Variants in DYTN observed in about 807,000 individuals in gnomAD.
DYTN encodes the protein dystrotelin.
DYTN carries 75 observed loss-of-function variants against 69.6 expected under a neutral mutation model. That is an observed-to-expected ratio of 1.08 (90% CI 0.89 to 1.31). The LOEUF (loss-of-function observed/expected upper bound fraction) is 1.31, where lower values mean the gene tolerates loss of function less well. Among genes scored for constraint, DYTN ranks in the 50% most tolerant of loss-of-function variants. The pLI is 0.00. For missense variants in DYTN, 726 were observed against 688.4 expected (o/e 1.05, Z -0.61); for synonymous variants, 252 against 249.1 (o/e 1.01, Z -0.11).
chr2:206,703,539 T>G (rs769142737), intron 5 of DYTN, among the ~76,000 whole-genome samples: 3 of 152,208 alleles, frequency 2.0e-5, no homozygotes, highest in African/African-American at 2.4e-5. Context: ...TTGCTCCATT[T>G]AAGAAATATA....
chr2:206,681,587 G>C lies in DYTN; in HGVS notation c.980+11588C>G, dbSNP rs188074158. Among the ~76,000 whole-genome samples, 132 of 152,114 alleles carry C rather than the reference G, an allele frequency of 8.7e-4. 3 individuals are homozygous for C. The highest frequency in any genetic ancestry group is 1.8e-3 in the Admixed American group (28 of 15,250). On this transcript the variant is annotated intron_variant, in intron 9 of 11. Transcript: ENST00000452335. ...TATCGAGAGTTTTTTTAACATGAAGGGATGTTGAATTTTATTGAAGGCCTT... is the reference window on the plus strand; with the variant it reads ...TATCGAGAGTTTTTTTAACATGAAGCGATGTTGAATTTTATTGAAGGCCTT...
intron 9 of DYTN, among the ~76,000 whole-genome samples, chr2:206,668,982 C>G (rs1222414912): frequency 6.6e-6 from 1 of 152,180 alleles, no homozygotes; most frequent in Non-Finnish European, 1.5e-5. Flanking sequence ...GAGGCCTCCC[C>G]AGCAGTGTGG....
intron 11 of DYTN, among the ~76,000 whole-genome samples, chr2:206,659,893 G>T (rs1251822573): frequency 6.6e-6 from 1 of 152,148 alleles, no homozygotes; most frequent in East Asian, 1.9e-4. Flanking sequence ...AAGGAAATAA[G>T]ACTAATATAA....
intron 4 of DYTN, among the ~76,000 whole-genome samples, chr2:206,705,586 A>G (rs1356219005): frequency 6.6e-6 from 1 of 152,276 alleles, no homozygotes; most frequent in Non-Finnish European, 1.5e-5. Flanking sequence ...ATAAATATCA[A>G]GAACAACCAA....
chr2:206,698,664 G>A (rs1699945409), intron 7 of DYTN, among the ~76,000 whole-genome samples: 1 of 152,128 alleles, frequency 6.6e-6, no homozygotes, highest in Non-Finnish European at 1.5e-5. Context: ...ACTTCCCTAT[G>A]GTTTTATTTA....
intron 9 of DYTN, among the ~76,000 whole-genome samples, chr2:206,683,662 C>A (rs1420762429): frequency 2.0e-5 from 3 of 151,782 alleles, no homozygotes; most frequent in Non-Finnish European, 4.4e-5. Flanking sequence ...TCTCTTATTA[C>A]TCTCCTTCCT....
intron 11 of DYTN, among the ~76,000 whole-genome samples, chr2:206,657,588 A>T (rs112628061): frequency 6.6e-6 from 1 of 152,114 alleles, no homozygotes; most frequent in Admixed American, 6.5e-5. Flanking sequence ...ATTTTATAGT[A>T]TTTTGTATTT....
chr2:206,666,038 A>G lies in DYTN; in HGVS notation c.981-9T>C, dbSNP rs757867701. 3.7e-6 allele frequency: 6 copies of G among 1,613,156 alleles called. No homozygotes were observed. In the South Asian group the frequency reaches 6.6e-5, roughly 18 times the overall value. ...ACTGTTTTTTAAGGAGCCTGAAAAG[A>G]GAACAGATTTGAGCGGTTTGGAAGG... is the stretch of plus-strand genomic sequence containing the variant. On this transcript the variant is annotated splice_polypyrimidine_tract_variant and intron_variant, in intron 9 of 11. Transcript: ENST00000452335.
chr2:206,654,583 CA>C (rs1699425576), intron 11 of DYTN, among the ~76,000 whole-genome samples: 1 of 152,120 alleles, frequency 6.6e-6, no homozygotes, highest in African/African-American at 2.4e-5. Flanking sequence ...TTAGAGGAGT[CA>C]AAAGTTATAT....
At position 206,651,838 on chromosome 2, in the gene DYTN, C is replaced by A. The variant is rs1311813445; in HGVS notation, c.1717G>T (p.Ala573Ser). 1.9e-6 allele frequency: 3 copies of A among 1,613,528 alleles called. No individual in the cohort carries two copies. The East Asian group carries it at 6.7e-5, about 36-fold the overall frequency. ...CCATTTCACTTCAAATTGGGCAAGG[C>A]AATTTGATCAACAAGGGCAGAGAAG... Reference protein sequence around the residue: ...RAFSALVDQIALPNLK With the variant: ...RAFSALVDQISLPNLK The change falls in exon 12 of 12, where the codon GCC becomes TCC. Residue 573 changes from alanine to serine, a missense_variant. Physicochemically the swap from Ala to Ser is moderately conservative, Grantham distance 99. Transcript: ENST00000452335.
At chr2:206,686,715 G>T (rs1699813402) in intron 9 of DYTN, 1 of 152,354 alleles carries the variant, frequency 6.6e-6, no homozygotes, top group Admixed American at 6.5e-5. Flanking sequence ...AAACTCTGTG[G>T]CATCATTGGC....
intron 7 of DYTN, 22 bp from the exon 8 acceptor site, chr2:206,694,899 C>T (rs1326156560): frequency 2.2e-6 from 3 of 1,357,060 alleles, no homozygotes; most frequent in East Asian, 2.5e-5. Context: ...AATAGAAGCA[C>T]AGCTTACGTC....
intron 9 of DYTN, among the ~76,000 whole-genome samples, chr2:206,691,175 G>A (rs1699857995): frequency 6.6e-6 from 1 of 152,164 alleles, no homozygotes; most frequent in African/African-American, 2.4e-5. Context: ...CACTTTGGGA[G>A]GCCAAGATGG....
intron 5 of DYTN, among the ~76,000 whole-genome samples, chr2:206,701,652 G>A (rs983055257): frequency 1.3e-5 from 2 of 152,160 alleles, no homozygotes; most frequent in Admixed American, 6.6e-5. Flanking sequence ...ATGAGAAGAT[G>A]TTGATTAAAG....
chr2:206,679,242 A>C (rs1168934432), intron 9 of DYTN: 1 of 152,216 alleles, frequency 6.6e-6, no homozygotes, highest in Non-Finnish European at 1.5e-5. Flanking sequence ...AAGCCTTTTT[A>C]GAAAATGTAC....
chr2:206,707,226 C>T, intron 3 of DYTN, 76 bp downstream of exon 3: 1 of 1,518,398 alleles, frequency 6.6e-7, no homozygotes. Flanking sequence ...CAAATATTAG[C>T]CAGCACCAAA....
chr2:206,665,534 A>T (rs1427473784), intron 10 of DYTN, among the ~76,000 whole-genome samples: 4 of 152,088 alleles, frequency 2.6e-5, no homozygotes, highest in Admixed American at 6.6e-5. Flanking sequence ...AAAAAGATAT[A>T]ACCACAGAAC....
chr2:206,694,924 A>G (rs1462187967), intron 7 of DYTN, 47 bp from the exon 8 acceptor site: 6 of 913,366 alleles, frequency 6.6e-6, no homozygotes, highest in Non-Finnish European at 9.0e-6. Flanking sequence ...GTAGATGAGA[A>G]AAAAAAAAAA....
chr2:206,713,608 T>C (rs944901140), intron 1 of DYTN, among the ~76,000 whole-genome samples: 1 of 152,126 alleles, frequency 6.6e-6, no homozygotes, highest in African/African-American at 2.4e-5. Context: ...TAGGAGGACA[T>C]GGTGGGGTTG....
Sources: allele counts gnomAD v4.1 joint callset (sites outside exome capture counted in the v4.1 genomes callset), GRCh38; gene constraint gnomAD v4.1.1; transcripts MANE v1.5; gene names NCBI Gene and HGNC (gene_info 2026-07-23, HGNC 2026-07-21).